The following PAK5 variants were observed in gnomAD, a reference collection of about 807,000 sequenced individuals.
The protein encoded by PAK5 is serine/threonine-protein kinase PAK 5.
PAK5 carries 16 observed loss-of-function variants against 65.9 expected under a neutral mutation model. The observed-to-expected ratio is 0.24, with a 90% CI of 0.16 to 0.37. PAK5 has a LOEUF of 0.37. PAK5 is among the 10% of genes least tolerant of loss of function. The pLI is 1.00. For synonymous variants in PAK5, 371 were observed against 354.9 expected, an observed-to-expected ratio of 1.05 and a Z score of -0.51; for missense variants, 785 against 903.9, an observed-to-expected ratio of 0.87 and a Z score of 1.69.
intron 3 of PAK5, among the ~76,000 whole-genome samples, chr20:9,588,374 T>C (rs2046107024): frequency 6.6e-6 from 1 of 152,182 alleles, no homozygotes; most frequent in Non-Finnish European, 1.5e-5. Context: ...ATGGTATAAA[T>C]GTATCACACT....
intron 3 of PAK5, among the ~76,000 whole-genome samples, chr20:9,587,558 C>T (rs567616275): frequency 8.5e-5 from 13 of 152,224 alleles, no homozygotes; most frequent in Admixed American, 3.3e-4. Context: ...TAGTGGCTGT[C>T]ATCTCAGGGT....
chr20:9,624,369 A>G (rs561510073), intron 3 of PAK5, among the ~76,000 whole-genome samples: 1 of 152,244 alleles, frequency 6.6e-6, no homozygotes, highest in African/African-American at 2.4e-5. Context: ...CGGGTATTCA[A>G]TAATGCTGAA....
intron 9 of PAK5, among the ~76,000 whole-genome samples, chr20:9,541,087 T>C (rs2045255107): frequency 1.3e-5 from 2 of 152,180 alleles, no homozygotes; most frequent in Non-Finnish European, 2.9e-5. Flanking sequence ...CAATCTCTCT[T>C]TTTTTGTTTA....
chr20:9,827,616 T>C (rs944369437), intron 1 of PAK5, among the ~76,000 whole-genome samples: 5 of 151,772 alleles, frequency 3.3e-5, no homozygotes, highest in Admixed American at 2.6e-4. Context: ...TGGGAGGATT[T>C]TGGGGGAGGG....
intron 2 of PAK5, among the ~76,000 whole-genome samples, chr20:9,671,041 C>T (rs1464451468): frequency 6.6e-6 from 1 of 152,172 alleles, no homozygotes; most frequent in African/African-American, 2.4e-5. Flanking sequence ...ATCCTTTCCC[C>T]ATTGCTTGTT....
chr20:9,673,012 T>C (rs2047521643), intron 2 of PAK5, among the ~76,000 whole-genome samples: 1 of 152,094 alleles, frequency 6.6e-6, no homozygotes, highest in Non-Finnish European at 1.5e-5. Flanking sequence ...CCTCCCCTTC[T>C]CTCTACCTAT....
In PAK5 at chr20:9,838,187, G is replaced by A. The variant is rs896584486; in HGVS notation, c.-162+575C>T. On this transcript the variant is annotated intron_variant, in intron 1 of 9. Coordinates refer to ENST00000353224, the MANE Select transcript of PAK5 (RefSeq NM_177990.4). The surrounding 1 kb of genome is among the most constrained non-coding windows in gnomAD (Gnocchi z 4.5). ...CTCCATTACAACCCACCAGGCGCGC[G>A]CGCACACACACACGCGCGCACACAC... Among the ~76,000 whole-genome samples, 1 of 133,166 alleles carries A rather than the reference G, an allele frequency of 7.5e-6. No individual in the cohort carries two copies. Among genetic ancestry groups the A allele is most frequent in the Non-Finnish European group, 1.6e-5 (1 of 63,942 alleles). The allele number at this position is 133,166 out of a possible 152,430, so 87.4% of individuals were successfully genotyped here.
chr20:9,583,472 G>T (rs6056718), intron 3 of PAK5, among the ~76,000 whole-genome samples: 37 of 152,008 alleles, frequency 2.4e-4, no homozygotes, highest in Non-Finnish European at 4.4e-4. Context: ...CTTATAGTTT[G>T]CATTCAAAGC....
intron 1 of PAK5, among the ~76,000 whole-genome samples, chr20:9,719,819 A>C (rs567803083): frequency 3.9e-5 from 6 of 152,308 alleles, no homozygotes; most frequent in African/African-American, 1.2e-4. Context: ...CACAATTTTC[A>C]GAGGATTAAA....
intron 4 of PAK5, among the ~76,000 whole-genome samples, chr20:9,579,381 G>A (rs1349170725): frequency 6.6e-6 from 1 of 152,034 alleles, no homozygotes; most frequent in Non-Finnish European, 1.5e-5. Flanking sequence ...TTAGACCTTC[G>A]GACCCATAGA....
chr20:9,722,751 T>A (rs1023184523), intron 1 of PAK5, among the ~76,000 whole-genome samples: 4 of 152,134 alleles, frequency 2.6e-5, no homozygotes. Flanking sequence ...AAGATTTTTT[T>A]TTTTTTTAGA....
rs77075779 is a variant in PAK5, at chr20:9,648,104, C to T, written c.-11-3765G>A. ...CATGGTAGCCCTCTGTCAGGGGTCC[C>T]AAAGACCACCCCCAGGCTTGATGAT... On this transcript the variant is annotated intron_variant, in intron 2 of 9. Coordinates refer to ENST00000353224, the MANE Select transcript of PAK5 (RefSeq NM_177990.4). Among the ~76,000 whole-genome samples the T allele has an allele frequency of 3.6e-3, 551 of 152,272 alleles. 1 individual carries two copies. Among genetic ancestry groups the T allele is most frequent in the African/African-American group, 0.013 (521 of 41,536 alleles).
At chr20:9,625,203 C>A (rs571834216) in intron 3 of PAK5, among the ~76,000 whole-genome samples, 3 of 152,304 alleles carry the variant, frequency 2.0e-5, no homozygotes, top group African/African-American at 7.2e-5. Context: ...ACCTCCACCA[C>A]CTTCATAAGC....
chr20:9,715,360 C>T (rs1372028681), intron 1 of PAK5, among the ~76,000 whole-genome samples: 1 of 152,092 alleles, frequency 6.6e-6, no homozygotes, highest in Non-Finnish European at 1.5e-5. Context: ...CTTCTCACAC[C>T]AGTTAGAATG....
intron 1 of PAK5, among the ~76,000 whole-genome samples, chr20:9,831,897 G>A (rs1399157068): frequency 1.3e-5 from 2 of 151,868 alleles, no homozygotes; most frequent in Admixed American, 6.6e-5. Flanking sequence ...TTTTAATTTT[G>A]TTCTGTTTTT....
At chr20:9,689,965 G>A (rs1013961176) in intron 2 of PAK5, among the ~76,000 whole-genome samples, 4 of 152,134 alleles carry the variant, frequency 2.6e-5, no homozygotes, top group African/African-American at 4.8e-5. Flanking sequence ...CTCACATGAA[G>A]ATCAGTTCTT....
At chr20:9,614,012 C>T (rs1237778570) in intron 3 of PAK5, among the ~76,000 whole-genome samples, 1 of 152,192 alleles carries the variant, frequency 6.6e-6, no homozygotes, top group Non-Finnish European at 1.5e-5. Flanking sequence ...AATGTCAGAA[C>T]CAGACTCAGC....
At chr20:9,777,633 A>G (rs1469909455) in intron 1 of PAK5, among the ~76,000 whole-genome samples, 1 of 152,222 alleles carries the variant, frequency 6.6e-6, no homozygotes, top group Non-Finnish European at 1.5e-5. Context: ...AGGGCGGTAG[A>G]AATCAAGGAC....
intron 2 of PAK5, among the ~76,000 whole-genome samples, chr20:9,687,387 C>T (rs1303907196): frequency 1.3e-5 from 2 of 152,324 alleles, no homozygotes; most frequent in African/African-American, 2.4e-5. Context: ...TTCTGTCTAA[C>T]TTGTAAAGTA....
Sources: allele counts gnomAD v4.1 joint callset (sites outside exome capture counted in the v4.1 genomes callset), GRCh38; gene constraint gnomAD v4.1.1; non-coding constraint Gnocchi (gnomAD v3.1); transcripts MANE v1.5; gene names NCBI Gene and HGNC (gene_info 2026-07-23, HGNC 2026-07-21).